Variants in KHDRBS2 observed in about 807,000 individuals in gnomAD.
The protein encoded by KHDRBS2 is KH RNA binding domain containing, signal transduction associated 2, also known as KH domain-containing, RNA-binding, signal transduction-associated protein 2.
Under a neutral mutation model 44.3 loss-of-function variants are expected in KHDRBS2, and 26 were observed. That is an observed-to-expected ratio of 0.59 (90% CI 0.43 to 0.81). The LOEUF is 0.81. Ranked by LOEUF, KHDRBS2 falls within the 40% of genes least tolerant of loss-of-function variation. The pLI is 0.00. For missense variants in KHDRBS2, 476 were observed against 433.1 expected, an observed-to-expected ratio of 1.10 and a Z score of -0.88; for synonymous variants, 194 against 151.1, an observed-to-expected ratio of 1.28 and a Z score of -2.08.
At chr6:61,947,677 GAAA>G (rs1219944314) in intron 4 of KHDRBS2, among the ~76,000 whole-genome samples, 1 of 151,344 alleles carries the variant, frequency 6.6e-6, no homozygotes, top group African/African-American at 2.4e-5. Flanking sequence ...AGACATACAA[GAAA>G]AAAAAGTAGT....
intron 2 of KHDRBS2, among the ~76,000 whole-genome samples, chr6:62,135,017 G>T (rs548069548): frequency 2.6e-4 from 39 of 152,314 alleles, no homozygotes; most frequent in Non-Finnish European, 4.6e-4. Flanking sequence ...TTTGAGGACT[G>T]TTGGGAAGGC....
intron 6 of KHDRBS2, among the ~76,000 whole-genome samples, chr6:61,778,459 T>G (rs901192922): frequency 6.6e-6 from 1 of 152,096 alleles, no homozygotes; most frequent in African/African-American, 2.4e-5. Context: ...TCACAAGAAA[T>G]TCAGGTACCA....
chr6:62,180,274 G>C (rs1441765115), intron 1 of KHDRBS2, among the ~76,000 whole-genome samples: 2 of 151,818 alleles, frequency 1.3e-5, no homozygotes, highest in Non-Finnish European at 2.9e-5. Flanking sequence ...CAGTTGACAT[G>C]ATCTGATATG....
chr6:61,790,407 TA>T (rs60297993), intron 6 of KHDRBS2, among the ~76,000 whole-genome samples: 10,419 of 139,654 alleles, frequency 0.075, 1,127 homozygotes, highest in African/African-American at 0.24. Flanking sequence ...ACTTGGGACT[TA>T]AAAAAAAAAA....
chr6:62,022,855 G>A (rs974071883), intron 3 of KHDRBS2, among the ~76,000 whole-genome samples: 2 of 151,430 alleles, frequency 1.3e-5, no homozygotes, highest in African/African-American at 4.8e-5. Flanking sequence ...CTTAATTTTT[G>A]TTGTTTTCCT....
chr6:61,800,854 G>C (rs1245401405), intron 6 of KHDRBS2, among the ~76,000 whole-genome samples: 1 of 152,158 alleles, frequency 6.6e-6, no homozygotes, highest in Non-Finnish European at 1.5e-5. Flanking sequence ...CACCTGGACA[G>C]CTTCCAAACA....
At chr6:62,266,479 A>AG (rs1839222338) in intron 1 of KHDRBS2, among the ~76,000 whole-genome samples, 2 of 152,076 alleles carry the variant, frequency 1.3e-5, no homozygotes, top group Non-Finnish European at 2.9e-5. Flanking sequence ...TACCTTCTAA[A>AG]GTTTCCCAGT....
intron 6 of KHDRBS2, among the ~76,000 whole-genome samples, chr6:61,847,827 T>C (rs1396056001): frequency 6.6e-6 from 1 of 152,090 alleles, no homozygotes; most frequent in Non-Finnish European, 1.5e-5. Context: ...CATATATAGG[T>C]ATGTTACTTC....
rs1300793377 is a variant in KHDRBS2, at chr6:61,841,850, G to A, written c.810+52785C>T. Among the ~76,000 whole-genome samples the A allele has an allele frequency of 2.0e-5, 3 of 151,980 alleles. No individual in the cohort carries two copies. In the East Asian group the frequency reaches 5.8e-4, roughly 29 times the overall value. ...AAAGATGGAACTTTAATTTTTTTCA[G>A]TAGCTACCAAGTGCAATGCTTGAGT... On this transcript the variant is annotated intron_variant, in intron 6 of 8. Transcript: ENST00000281156.
intron 2 of KHDRBS2, among the ~76,000 whole-genome samples, chr6:62,098,562 C>T (rs570527113): frequency 5.8e-4 from 88 of 152,206 alleles, no homozygotes; most frequent in African/African-American, 1.7e-3. Context: ...TCTCTTGTGG[C>T]TTTCAGAATC....
At chr6:61,609,309 G>T in the KHDRBS2 span, among the ~76,000 whole-genome samples, 2 of 152,208 alleles carry the variant, frequency 1.3e-5, no homozygotes, top group Non-Finnish European at 2.9e-5. Context: ...AGTGAGCCGA[G>T]ATTGCGCCAC....
At chr6:61,681,858 A>G (rs1766344384) in intron 8 of KHDRBS2, among the ~76,000 whole-genome samples, 1 of 151,858 alleles carries the variant, frequency 6.6e-6, no homozygotes, top group African/African-American at 2.4e-5. Flanking sequence ...CCAGAAAAGA[A>G]ATGCAATTCT....
intron 2 of KHDRBS2, among the ~76,000 whole-genome samples, chr6:62,135,513 G>A (rs209007): frequency 0.18 from 27,991 of 152,010 alleles, 3,036 homozygotes; most frequent in African/African-American, 0.31. Flanking sequence ...TATGACCCAC[G>A]TATACCTCTT....
At chr6:61,937,876 C>A (rs1811330740) in intron 4 of KHDRBS2, among the ~76,000 whole-genome samples, 1 of 152,018 alleles carries the variant, frequency 6.6e-6, no homozygotes, top group Admixed American at 6.6e-5. Context: ...TGTAAATTTC[C>A]TCTTAATTTC....
chr6:62,261,624 A>C (rs2150182014), intron 1 of KHDRBS2, among the ~76,000 whole-genome samples: 1 of 151,996 alleles, frequency 6.6e-6, no homozygotes, highest in African/African-American at 2.4e-5. Flanking sequence ...AGAAGGAAGA[A>C]GTAATGTCTT....
At chr6:62,210,175 G>A (rs1223802461) in intron 1 of KHDRBS2, among the ~76,000 whole-genome samples, 3 of 151,864 alleles carry the variant, frequency 2.0e-5, no homozygotes, top group Admixed American at 1.3e-4. Flanking sequence ...AGAATCTCAC[G>A]ACCACCTATT....
intron 6 of KHDRBS2, among the ~76,000 whole-genome samples, chr6:61,746,076 T>G: frequency 6.6e-6 from 1 of 152,024 alleles, no homozygotes; most frequent in Non-Finnish European, 1.5e-5. Context: ...TAGTTTAGTT[T>G]TATTTCACTT....
At chr6:61,587,259 G>A in the KHDRBS2 span, among the ~76,000 whole-genome samples, 13 of 152,104 alleles carry the variant, frequency 8.5e-5, no homozygotes, top group South Asian at 4.1e-4. Context: ...ACTAGCATGC[G>A]TATGAATTGT....
chr6:61,551,275 CA>C, the KHDRBS2 span, among the ~76,000 whole-genome samples: 1 of 152,186 alleles, frequency 6.6e-6, no homozygotes, highest in African/African-American at 2.4e-5. Context: ...AGACCTTTGT[CA>C]GATGTATAGT....
Sources: allele counts gnomAD v4.1 joint callset (sites outside exome capture counted in the v4.1 genomes callset), GRCh38; gene constraint gnomAD v4.1.1; transcripts MANE v1.5; gene names NCBI Gene and HGNC (gene_info 2026-07-23, HGNC 2026-07-21).